Variants in GRIN3A observed in about 807,000 individuals in gnomAD.
GRIN3A encodes glutamate ionotropic receptor NMDA type subunit 3A.
In GRIN3A, 47 loss-of-function variants were observed where a neutral mutation model predicts 92.4. That is an observed-to-expected ratio of 0.51 (90% confidence interval 0.40 to 0.65). GRIN3A has a LOEUF of 0.65. Ranked by LOEUF, GRIN3A falls within the 30% of genes least tolerant of loss-of-function variation. The pLI, the probability that GRIN3A is intolerant of heterozygous loss-of-function variation, is 0.00. For synonymous variants in GRIN3A, 527 were observed against 540.6 expected, an observed-to-expected ratio of 0.97 and a Z score of 0.35; for missense variants, 1,324 against 1,393.1, an observed-to-expected ratio of 0.95 and a Z score of 0.79.
rs1827741136 is a variant in GRIN3A at position 101,570,298 on chromosome 9, C to A, written c.*2876G>T. ...TCTTTCTTCTTTACCAGAATACCACCCTCTATCTGAAGGCTTCTGATCTTT... is the reference window on the plus strand; with the variant it reads ...TCTTTCTTCTTTACCAGAATACCACACTCTATCTGAAGGCTTCTGATCTTT... On this transcript the variant is annotated 3_prime_UTR_variant, in exon 9 of 9. Transcript: ENST00000361820. 1 of 152,486 alleles carries A rather than the reference C, an allele frequency of 6.6e-6. No individual in the cohort carries two copies. Among genetic ancestry groups the A allele is most frequent in the Non-Finnish European group, 1.5e-5 (1 of 68,026 alleles). 9.4% of individuals were successfully genotyped at this position (152,486 alleles called of 1,614,324 possible).
chr9:101,681,294 G>A lies in GRIN3A; in HGVS notation c.1304+5302C>T, dbSNP rs189530318. ...ATGTTTAAAAAAAATTACTTGCAAAGCTTTTATACTGTATTACTTTATTTG... is the reference window on the plus strand; with the variant it reads ...ATGTTTAAAAAAAATTACTTGCAAAACTTTTATACTGTATTACTTTATTTG... On this transcript the variant is annotated intron_variant, in intron 2 of 8. Coordinates refer to ENST00000361820, the MANE Select transcript of GRIN3A (RefSeq NM_133445.3). Among the ~76,000 whole-genome samples the A allele has an allele frequency of 5.0e-4, 76 of 152,290 alleles. 1 individual carries two copies. The highest frequency in any genetic ancestry group is 4.6e-3 in the Admixed American group (70 of 15,298).
Position 101,687,217 on chromosome 9 carries a change from GA to G in GRIN3A, c.700-18del, listed in dbSNP as rs1444563786. On this transcript the variant is annotated intron_variant, in intron 1 of 8. Coordinates refer to ENST00000361820, the MANE Select transcript of GRIN3A (RefSeq NM_133445.3). ...AAGGGGATTCTGTATTTAAAGATAT[GA>G]AAAAGAAGAATTAGAAAGCATTGGC... 2 of 1,613,028 alleles carry G rather than the reference GA, an allele frequency of 1.2e-6. No homozygotes were observed. The highest frequency in any genetic ancestry group is 2.7e-5 in the African/African-American group (2 of 74,890).
rs187888532 is a variant in GRIN3A at position 101,573,091 on chromosome 9, C to T, written c.*83G>A. The T allele has an allele frequency of 1.5e-4, 177 of 1,205,910 alleles. No individual in the cohort carries two copies. The highest frequency in any genetic ancestry group is 8.4e-4 in the South Asian group (69 of 82,144). 74.7% of individuals were successfully genotyped at this position (1,205,910 alleles called of 1,614,324 possible). On this transcript the variant is annotated 3_prime_UTR_variant, in exon 9 of 9. Transcript: ENST00000361820. The stretch of plus-strand genomic sequence containing the variant: ...GACCTCAGCTTCCCCACACCTTTGT[C>T]GATAGTTACAAAAGAGCATTACAAA...
At chr9:101,609,851 T>A (rs1828336343) in intron 6 of GRIN3A, among the ~76,000 whole-genome samples, 2 of 152,350 alleles carry the variant, frequency 1.3e-5, no homozygotes, top group Non-Finnish European at 1.5e-5. Flanking sequence ...TGATTTGCTC[T>A]CAAATTTTTT....
intron 6 of GRIN3A, among the ~76,000 whole-genome samples, chr9:101,582,893 T>C (rs1827906692): frequency 6.6e-6 from 1 of 152,198 alleles, no homozygotes; most frequent in Non-Finnish European, 1.5e-5. Flanking sequence ...TATTTTTCTC[T>C]TAGTACCTCA....
intron 6 of GRIN3A, chr9:101,594,764 G>T (rs201878659): frequency 6.2e-7 from 1 of 1,614,052 alleles, no homozygotes; most frequent in South Asian, 1.1e-5. Flanking sequence ...CCGCACCAAC[G>T]GGTTGTGGCG....
chr9:101,733,874 T>A (rs548257539), intron 1 of GRIN3A, among the ~76,000 whole-genome samples: 10 of 152,104 alleles, frequency 6.6e-5, no homozygotes, highest in African/African-American at 1.9e-4. Context: ...AATTAAAAAA[T>A]TTTTTTAAGA....
intron 1 of GRIN3A, among the ~76,000 whole-genome samples, chr9:101,707,447 C>G (rs1388907108): frequency 2.0e-5 from 3 of 152,178 alleles, no homozygotes; most frequent in Non-Finnish European, 4.4e-5. Flanking sequence ...TTGGCACAGT[C>G]AAGAAAAACC....
chr9:101,666,571 C>T (rs1829239086), intron 3 of GRIN3A, among the ~76,000 whole-genome samples: 1 of 151,968 alleles, frequency 6.6e-6, no homozygotes, highest in African/African-American at 2.4e-5. Context: ...AGGAAATAAT[C>T]TATACAACAA....
chr9:101,616,774 G>A (rs942097776), intron 5 of GRIN3A, among the ~76,000 whole-genome samples: 16 of 148,418 alleles, frequency 1.1e-4, no homozygotes, highest in African/African-American at 3.2e-4. Context: ...ATAGCATTGG[G>A]AGATATACCT....
chr9:101,688,065 C>T lies in GRIN3A; in HGVS notation c.700-865G>A, dbSNP rs538569763. ...AATGTTTAGCACAATGTCTTATATA[C>T]GTTAGGGGCACAATAAATATTGATG... On this transcript the variant is annotated intron_variant, in intron 1 of 8. Coordinates refer to ENST00000361820, the MANE Select transcript of GRIN3A (RefSeq NM_133445.3). 1.0e-3 allele frequency among the ~76,000 whole-genome samples: 154 copies of T among 152,292 alleles called. 1 individual carries two copies. The highest frequency in any genetic ancestry group is 3.5e-3 in the Admixed American group (54 of 15,292).
intron 1 of GRIN3A, among the ~76,000 whole-genome samples, chr9:101,735,157 CAAAA>C (rs1171647046): frequency 8.5e-6 from 1 of 117,872 alleles, no homozygotes; most frequent in African/African-American, 2.9e-5. Flanking sequence ...AATGAGATAC[CAAAA>C]GTAAGACAAA....
chr9:101,586,683 T>C (rs1427720804), intron 6 of GRIN3A, among the ~76,000 whole-genome samples: 1 of 152,226 alleles, frequency 6.6e-6, no homozygotes, highest in Admixed American at 6.5e-5. Context: ...GTATTGATTT[T>C]GTTTTCTTAG....
At chr9:101,617,977 T>C (rs993177888) in intron 5 of GRIN3A, among the ~76,000 whole-genome samples, 2 of 151,982 alleles carry the variant, frequency 1.3e-5, no homozygotes, top group Non-Finnish European at 2.9e-5. Context: ...GGACATGAAC[T>C]CATCATTTTT....
Position 101,621,783 on chromosome 9 carries a change from G to C in GRIN3A, c.2614+1535C>G, listed in dbSNP as rs10115876. The stretch of plus-strand genomic sequence containing the variant: ...GAGTTGTCCCCTGAAGATAAAGGTG[G>C]AAAATGGAGCCCCTCATTCTTGTGT... On this transcript the variant is annotated intron_variant, in intron 5 of 8. Transcript: ENST00000361820. Among the ~76,000 whole-genome samples the C allele has an allele frequency of 8.9e-3, 1,350 of 152,234 alleles. 24 individuals are homozygous for C. The highest frequency in any genetic ancestry group is 0.031 in the African/African-American group (1,296 of 41,528).
At chr9:101,689,433 G>T (rs775528795) in intron 1 of GRIN3A, among the ~76,000 whole-genome samples, 6 of 152,070 alleles carry the variant, frequency 3.9e-5, no homozygotes, top group Non-Finnish European at 7.4e-5. Context: ...ATTAGACAGA[G>T]AAACAAATCC....
chr9:101,594,447 C>T, intron 6 of GRIN3A: 1 of 1,613,176 alleles, frequency 6.2e-7, no homozygotes, highest in South Asian at 1.1e-5. Context: ...ATCTCCAGGT[C>T]TCTGACCACA....
chr9:101,596,089 C>T (rs1427868896), intron 6 of GRIN3A, among the ~76,000 whole-genome samples: 3 of 152,206 alleles, frequency 2.0e-5, no homozygotes, highest in East Asian at 1.9e-4. Flanking sequence ...CAGGCCACTA[C>T]ATCAAACTGA....
chr9:101,720,610 A>G (rs1165193262), intron 1 of GRIN3A, among the ~76,000 whole-genome samples: 1 of 152,224 alleles, frequency 6.6e-6, no homozygotes, highest in Non-Finnish European at 1.5e-5. Flanking sequence ...TCTTAACAAG[A>G]ACAGATAACA....
Sources: allele counts gnomAD v4.1 joint callset (sites outside exome capture counted in the v4.1 genomes callset), GRCh38; gene constraint gnomAD v4.1.1; transcripts MANE v1.5; gene names NCBI Gene and HGNC (gene_info 2026-07-23, HGNC 2026-07-21).